The following CLVS1 variants were observed in gnomAD, a reference collection of about 807,000 sequenced individuals.
CLVS1 encodes clavesin-1.
CLVS1 carries 10 observed loss-of-function variants against 33.1 expected under a neutral mutation model. That is an observed-to-expected ratio of 0.30 (90% CI 0.19 to 0.51). CLVS1 has a LOEUF of 0.51. Ranked by LOEUF, CLVS1 falls within the 20% of genes least tolerant of loss-of-function variation. The pLI, the probability that CLVS1 is intolerant of heterozygous loss-of-function variation, is 0.97. For synonymous variants in CLVS1, 163 were observed against 166.1 expected, an observed-to-expected ratio of 0.98 and a Z score of 0.14; for missense variants, 343 against 433.4, an observed-to-expected ratio of 0.79 and a Z score of 1.85.
chr8:61,306,856 G>A (rs904074342), intron 2 of CLVS1, among the ~76,000 whole-genome samples: 3 of 152,130 alleles, frequency 2.0e-5, no homozygotes, highest in Non-Finnish European at 4.4e-5. Context: ...GCCATTACCA[G>A]GTTTCCTCCA....
intron 2 of CLVS1, among the ~76,000 whole-genome samples, chr8:61,137,875 G>A (rs918648715): frequency 2.9e-4 from 44 of 152,302 alleles, no homozygotes; most frequent in African/African-American, 1.0e-3. Context: ...TATGGAGAAG[G>A]TGCACCTTGG....
chr8:60,992,116 G>C, the CLVS1 span, among the ~76,000 whole-genome samples: 1 of 152,088 alleles, frequency 6.6e-6, no homozygotes, highest in Non-Finnish European at 1.5e-5. Context: ...GCCATCCCCT[G>C]GGCCCAGTCA....
chr8:61,338,308 G>A (rs562504085), intron 2 of CLVS1, among the ~76,000 whole-genome samples: 13 of 152,078 alleles, frequency 8.5e-5, no homozygotes, highest in African/African-American at 1.9e-4. Flanking sequence ...CATTTGCCAC[G>A]CATTTACCAT....
At chr8:61,120,126 T>G in intron 1 of CLVS1, among the ~76,000 whole-genome samples, 1 of 147,838 alleles carries the variant, frequency 6.8e-6, no homozygotes, top group East Asian at 2.0e-4. Context: ...ATTCATTTCA[T>G]CTTCCATCGC....
chr8:61,178,400 A>T (rs140432559), intron 2 of CLVS1, among the ~76,000 whole-genome samples: 84 of 152,310 alleles, frequency 5.5e-4, no homozygotes, highest in African/African-American at 1.8e-3. Context: ...TGGGAAGAAT[A>T]GAACCAAGCT....
chr8:61,181,708 T>TTG (rs1807236687), intron 2 of CLVS1, among the ~76,000 whole-genome samples: 4 of 142,754 alleles, frequency 2.8e-5, no homozygotes, highest in African/African-American at 1.0e-4. Context: ...TTTTTTTTTT[T>TTG]TTTTTTTTTG....
intron 2 of CLVS1, among the ~76,000 whole-genome samples, chr8:61,273,222 A>T (rs1809484075): frequency 6.6e-6 from 1 of 151,470 alleles, no homozygotes; most frequent in South Asian, 2.1e-4. Flanking sequence ...CAGGACCCTC[A>T]GCTGCAGGTC....
At chr8:60,999,656 A>C in the CLVS1 span, among the ~76,000 whole-genome samples, 1 of 152,242 alleles carries the variant, frequency 6.6e-6, no homozygotes, top group African/African-American at 2.4e-5. Context: ...TATAAAACAG[A>C]AAATAGATAA....
chr8:61,193,886 G>A (rs1157453896), intron 2 of CLVS1, among the ~76,000 whole-genome samples: 1 of 152,008 alleles, frequency 6.6e-6, no homozygotes, highest in African/African-American at 2.4e-5. Flanking sequence ...AATGTCTTGA[G>A]GGATTAAAAC....
At chr8:61,149,659 T>G (rs942361877) in intron 2 of CLVS1, among the ~76,000 whole-genome samples, 1 of 151,146 alleles carries the variant, frequency 6.6e-6, no homozygotes, top group Non-Finnish European at 1.5e-5. Flanking sequence ...AAGCAGTGGA[T>G]AGAGTTGTGG....
At chr8:61,498,132 C>T (rs1586063177) in intron 5 of CLVS1, among the ~76,000 whole-genome samples, 1 of 152,152 alleles carries the variant, frequency 6.6e-6, no homozygotes, top group African/African-American at 2.4e-5. Context: ...TTACCCAGCC[C>T]CTATTTAAGA....
intron 2 of CLVS1, among the ~76,000 whole-genome samples, chr8:61,195,647 C>T (rs1012845646): frequency 2.6e-5 from 4 of 151,852 alleles, no homozygotes; most frequent in Non-Finnish European, 5.9e-5. Flanking sequence ...GCAATATGAG[C>T]TCCTGAAAGT....
At chr8:61,440,274 C>T (rs958365442) in intron 3 of CLVS1, among the ~76,000 whole-genome samples, 2 of 152,216 alleles carry the variant, frequency 1.3e-5, no homozygotes, top group African/African-American at 4.8e-5. Flanking sequence ...AAGAGCATTA[C>T]ATGAGACAAC....
chr8:61,098,202 C>T (rs1241202896), intron 1 of CLVS1, among the ~76,000 whole-genome samples: 6 of 151,800 alleles, frequency 4.0e-5, no homozygotes, highest in South Asian at 4.2e-4. Context: ...GGAGAGAGAG[C>T]GCAGAGAAAC....
At chr8:61,225,205 C>T (rs996986548) in intron 2 of CLVS1, among the ~76,000 whole-genome samples, 1 of 151,974 alleles carries the variant, frequency 6.6e-6, no homozygotes. Context: ...GTAGTCCCAG[C>T]TACTTGGGAG....
intron 2 of CLVS1, among the ~76,000 whole-genome samples, chr8:61,359,013 T>G (rs981825368): frequency 1.3e-5 from 2 of 152,246 alleles, no homozygotes; most frequent in African/African-American, 4.8e-5. Flanking sequence ...TATTCTTTCT[T>G]ATAGTCATAT....
Position 61,300,262 on chromosome 8 carries a change from A to G in CLVS1, c.435A>G (p.Ala145=). The G allele has an allele frequency of 6.2e-7, 1 of 1,613,634 alleles. No individual in the cohort carries two copies. ...GCAGGAAGATTCTTTTGCTGTTTGC[A>G]GCCAATTGGGATCAGAGTAGGTAAA... is the stretch of plus-strand genomic sequence containing the variant. ...HYGRKILLLF[A]ANWDQSRNSF... is the part of the protein sequence containing the mutation. The change falls in exon 2 of 6, where the codon GCA becomes GCG. Residue 145 remains alanine, a synonymous_variant. Coordinates refer to ENST00000325897, the MANE Select transcript of CLVS1 (RefSeq NM_173519.3).
chr8:60,996,154 A>G, the CLVS1 span, among the ~76,000 whole-genome samples: 1 of 152,196 alleles, frequency 6.6e-6, no homozygotes, highest in Admixed American at 6.5e-5. Context: ...CTAAAACTTA[A>G]AGTATAATAA....
intron 1 of CLVS1, among the ~76,000 whole-genome samples, chr8:61,106,732 C>T (rs1203750179): frequency 6.6e-6 from 1 of 152,156 alleles, no homozygotes; most frequent in African/African-American, 2.4e-5. Flanking sequence ...AAGAATGACA[C>T]AACTATGGAA....
Sources: allele counts gnomAD v4.1 joint callset (sites outside exome capture counted in the v4.1 genomes callset), GRCh38; gene constraint gnomAD v4.1.1; transcripts MANE v1.5; gene names NCBI Gene and HGNC (gene_info 2026-07-23, HGNC 2026-07-21).